Variants in UBASH3B observed in about 807,000 individuals in gnomAD.
UBASH3B encodes ubiquitin associated and SH3 domain containing B.
UBASH3B carries 37 observed loss-of-function variants against 83.4 expected under a neutral mutation model. The observed-to-expected ratio is 0.44, with a 90% CI of 0.34 to 0.58. The LOEUF is 0.58. Ranked by LOEUF, UBASH3B falls within the 20% of genes least tolerant of loss-of-function variation. The pLI, the probability that UBASH3B is intolerant of heterozygous loss-of-function variation, is 0.01. For synonymous variants in UBASH3B, 304 were observed against 318.3 expected, an observed-to-expected ratio of 0.96 and a Z score of 0.48; for missense variants, 657 against 827.2, an observed-to-expected ratio of 0.79 and a Z score of 2.52.
At chr11:122,795,151 A>G (rs1284974976) in intron 7 of UBASH3B, among the ~76,000 whole-genome samples, 1 of 152,198 alleles carries the variant, frequency 6.6e-6, no homozygotes, top group Non-Finnish European at 1.5e-5. Context: ...CAAAGATTAA[A>G]GAAAATAATA....
intron 4 of UBASH3B, among the ~76,000 whole-genome samples, chr11:122,781,353 T>C (rs560660127): frequency 6.6e-6 from 1 of 152,296 alleles, no homozygotes; most frequent in East Asian, 1.9e-4. Context: ...ACAGTAGTTA[T>C]TGTCAGAACC....
chr11:122,764,772 A>G (rs1436474134), intron 1 of UBASH3B, among the ~76,000 whole-genome samples: 2 of 152,242 alleles, frequency 1.3e-5, no homozygotes, highest in African/African-American at 4.8e-5. Flanking sequence ...AGCATCTTCC[A>G]TCCTTGGTCA....
chr11:122,666,802 TC>T (rs1473521292), intron 1 of UBASH3B, among the ~76,000 whole-genome samples: 9 of 152,056 alleles, frequency 5.9e-5, no homozygotes, highest in African/African-American at 2.2e-4. Flanking sequence ...ATTTTACCCA[TC>T]CTGGAGAACT....
At chr11:122,729,457 CA>C (rs1389118500) in intron 1 of UBASH3B, among the ~76,000 whole-genome samples, 4 of 151,978 alleles carry the variant, frequency 2.6e-5, no homozygotes, top group African/African-American at 9.7e-5. Flanking sequence ...TTGAGACCAT[CA>C]GGGGAAAATG....
At chr11:122,765,882 C>T (rs575396465) in intron 1 of UBASH3B, among the ~76,000 whole-genome samples, 1 of 152,304 alleles carries the variant, frequency 6.6e-6, no homozygotes, top group Admixed American at 6.5e-5. Context: ...TAGTCTCACT[C>T]CTATGCCATT....
intron 1 of UBASH3B, among the ~76,000 whole-genome samples, chr11:122,745,796 C>T (rs532552511): frequency 2.0e-5 from 3 of 152,310 alleles, no homozygotes; most frequent in East Asian, 1.9e-4. Context: ...AGCAAAATCC[C>T]ACTTATCTAT....
At chr11:122,760,180 A>C (rs1861346763) in intron 1 of UBASH3B, among the ~76,000 whole-genome samples, 1 of 152,172 alleles carries the variant, frequency 6.6e-6, no homozygotes, top group African/African-American at 2.4e-5. Flanking sequence ...TCTTTTAAAT[A>C]TAATTTGGAA....
intron 1 of UBASH3B, among the ~76,000 whole-genome samples, chr11:122,669,486 T>C (rs1437067734): frequency 6.6e-6 from 1 of 152,222 alleles, no homozygotes; most frequent in Non-Finnish European, 1.5e-5. Flanking sequence ...TCTTTTGCCA[T>C]GTAAGGTCAC....
At chr11:122,793,467 A>G (rs1191049441) in intron 6 of UBASH3B, among the ~76,000 whole-genome samples, 7 of 152,262 alleles carry the variant, frequency 4.6e-5, no homozygotes. Context: ...TGCCTCATCA[A>G]CAGATGCAAG....
chr11:122,738,023 CAAAA>C (rs2135957885), intron 1 of UBASH3B, among the ~76,000 whole-genome samples: 1 of 152,108 alleles, frequency 6.6e-6, no homozygotes, highest in Non-Finnish European at 1.5e-5. Context: ...GAGAAAAGGG[CAAAA>C]GACAAACCAA....
chr11:122,796,018 AG>A, intron 7 of UBASH3B, 137 bp from the exon 8 acceptor site: 1 of 1,026,626 alleles, frequency 9.7e-7, no homozygotes, highest in African/African-American at 1.6e-5. Context: ...TGAGGTCTGT[AG>A]GACGAGTCTT....
At chr11:122,742,048 C>A (rs1325373733) in intron 1 of UBASH3B, among the ~76,000 whole-genome samples, 7 of 152,182 alleles carry the variant, frequency 4.6e-5, no homozygotes, top group African/African-American at 1.7e-4. Flanking sequence ...TACCTCCTCA[C>A]AAAACTAGCA....
intron 10 of UBASH3B, among the ~76,000 whole-genome samples, chr11:122,800,383 C>CAAAAAAAAA (rs540359065): frequency 1.5e-3 from 112 of 76,244 alleles, no homozygotes; most frequent in Non-Finnish European, 2.3e-3. Flanking sequence ...ACTAAAAATA[C>CAAAAAAAAA]AAAAAAAAAA....
At chr11:122,727,872 A>C (rs965173781) in intron 1 of UBASH3B, among the ~76,000 whole-genome samples, 30 of 151,532 alleles carry the variant, frequency 2.0e-4, no homozygotes, top group African/African-American at 7.3e-4. Context: ...CAGTCATTTC[A>C]CCCTCCCCGC....
At chr11:122,770,683 C>CTCACTG (rs1309389484) in intron 1 of UBASH3B, among the ~76,000 whole-genome samples, 2 of 152,204 alleles carry the variant, frequency 1.3e-5, no homozygotes, top group African/African-American at 4.8e-5. Flanking sequence ...CAATACTAAG[C>CTCACTG]TCACTGTCAC....
intron 1 of UBASH3B, among the ~76,000 whole-genome samples, chr11:122,704,383 A>G (rs1333021565): frequency 6.6e-6 from 1 of 152,214 alleles, no homozygotes; most frequent in African/African-American, 2.4e-5. Context: ...AGTAGTTTCC[A>G]GGAGCACCTG....
intron 1 of UBASH3B, among the ~76,000 whole-genome samples, chr11:122,658,559 A>G (rs1351717546): frequency 7.2e-5 from 11 of 152,164 alleles, no homozygotes; most frequent in Non-Finnish European, 5.9e-5. Context: ...TAGCAACTCA[A>G]TGAGGAAGGT....
chr11:122,798,603 C>T (rs1362408817), intron 9 of UBASH3B, among the ~76,000 whole-genome samples: 11 of 150,164 alleles, frequency 7.3e-5, no homozygotes, highest in African/African-American at 2.5e-4. Context: ...CCCAGCTACT[C>T]GGGAGGCTGA....
chr11:122,690,199 TA>T (rs1427298221), intron 1 of UBASH3B, among the ~76,000 whole-genome samples: 771 of 28,462 alleles, frequency 0.027, 11 homozygotes, highest in South Asian at 0.083. Context: ...TATATATATA[TA>T]TATATATATC....
Sources: allele counts gnomAD v4.1 joint callset (sites outside exome capture counted in the v4.1 genomes callset), GRCh38; gene constraint gnomAD v4.1.1; transcripts MANE v1.5; gene names NCBI Gene and HGNC (gene_info 2026-07-23, HGNC 2026-07-21).